Variants in SNTG1 observed in about 807,000 individuals in gnomAD.
SNTG1 encodes the protein syntrophin gamma 1, also known as gamma-1-syntrophin.
In SNTG1, 39 loss-of-function variants were observed where a neutral mutation model predicts 74.7. That is an observed-to-expected ratio of 0.52 (90% CI 0.40 to 0.68). The LOEUF (loss-of-function observed/expected upper bound fraction) is 0.68, where lower values mean the gene tolerates loss of function less well. Among genes scored for constraint, SNTG1 ranks in the 30% least tolerant of loss-of-function variants. The pLI is 0.00. For missense variants in SNTG1, 685 were observed against 609.5 expected (o/e 1.12, Z -1.30); for synonymous variants, 254 against 217.1 (o/e 1.17, Z -1.49).
chr8:50,645,768 T>C (rs1214773993), intron 13 of SNTG1, among the ~76,000 whole-genome samples: 1 of 152,204 alleles, frequency 6.6e-6, no homozygotes, highest in Non-Finnish European at 1.5e-5. Flanking sequence ...TCCTGTGTTA[T>C]ATTTTGCCTC....
intron 1 of SNTG1, among the ~76,000 whole-genome samples, chr8:50,118,485 A>G (rs2080898043): frequency 6.6e-6 from 1 of 152,202 alleles, no homozygotes. Flanking sequence ...GGTAGATAAT[A>G]TCATCAGCTC....
At chr8:50,715,848 A>G (rs887331622) in intron 17 of SNTG1, among the ~76,000 whole-genome samples, 8 of 152,216 alleles carry the variant, frequency 5.3e-5, no homozygotes, top group Non-Finnish European at 1.0e-4. Flanking sequence ...CAAAATAATT[A>G]TGATTTACAA....
chr8:50,477,399 T>C (rs925755498), intron 8 of SNTG1, among the ~76,000 whole-genome samples: 1 of 151,898 alleles, frequency 6.6e-6, no homozygotes, highest in African/African-American at 2.4e-5. Context: ...ATATACCTAG[T>C]CTAATTATGA....
intron 8 of SNTG1, among the ~76,000 whole-genome samples, chr8:50,492,645 T>TCAGATG (rs2093867761): frequency 6.6e-6 from 1 of 152,202 alleles, no homozygotes; most frequent in Non-Finnish European, 1.5e-5. Flanking sequence ...TAGTCCTTTG[T>TCAGATG]CAGATGGATT....
intron 15 of SNTG1, among the ~76,000 whole-genome samples, chr8:50,682,519 T>G (rs2095335296): frequency 6.6e-6 from 1 of 152,082 alleles, no homozygotes; most frequent in African/African-American, 2.4e-5. Context: ...AGTTAAACTT[T>G]AAAATAGAGA....
intron 16 of SNTG1, among the ~76,000 whole-genome samples, chr8:50,705,489 G>A (rs1180480473): frequency 6.6e-6 from 1 of 152,000 alleles, no homozygotes; most frequent in Non-Finnish European, 1.5e-5. Context: ...TTAAAATAGT[G>A]TAGTTTAGTG....
At position 50,794,175 on chromosome 8, in the gene SNTG1, T is replaced by C. The variant is rs1015344931; in HGVS notation, c.*1346T>C. ...ATGCTCCCAGGTAAACCAAGTATTATGTGTGTCCTTGTGGAGATAACCAAG... is the reference window on the plus strand; with the variant it reads ...ATGCTCCCAGGTAAACCAAGTATTACGTGTGTCCTTGTGGAGATAACCAAG... On this transcript the variant is annotated 3_prime_UTR_variant, in exon 19 of 19. Transcript: ENST00000642720. The C allele has an allele frequency of 2.6e-5, 4 of 151,824 alleles. No homozygotes were observed. The highest frequency in any genetic ancestry group is 6.6e-5 in the Admixed American group (1 of 15,200). 9.4% of individuals were successfully genotyped at this position (151,824 alleles called of 1,614,324 possible).
At chr8:50,484,446 C>T (rs957059269) in intron 8 of SNTG1, among the ~76,000 whole-genome samples, 16 of 151,624 alleles carry the variant, frequency 1.1e-4, no homozygotes, top group African/African-American at 3.4e-4. Context: ...AACTCATGAC[C>T]TCAGATGATC....
At chr8:49,964,419 C>T (rs900886226) in intron 1 of SNTG1, among the ~76,000 whole-genome samples, 4 of 152,180 alleles carry the variant, frequency 2.6e-5, no homozygotes, top group Admixed American at 2.6e-4. Flanking sequence ...CAAATCAATC[C>T]CAATGTTTCT....
intron 4 of SNTG1, among the ~76,000 whole-genome samples, chr8:50,409,061 G>A (rs1285908982): frequency 1.3e-5 from 2 of 152,098 alleles, no homozygotes; most frequent in Non-Finnish European, 2.9e-5. Flanking sequence ...TATCAAATGG[G>A]GCTTAAACCT....
rs143649802 is a variant in SNTG1 at position 50,128,196 on chromosome 8, G to T, written c.-102-44365G>T. On this transcript the variant is annotated intron_variant, in intron 1 of 18. Transcript: ENST00000642720. ...AAACTACTTGCTTATCCCAAGATCGGTACTTATGTTTTAATTCTATCTCCC... is the reference window on the plus strand; with the variant it reads ...AAACTACTTGCTTATCCCAAGATCGTTACTTATGTTTTAATTCTATCTCCC... Among the ~76,000 whole-genome samples the T allele has an allele frequency of 3.5e-4, 53 of 152,198 alleles. 1 individual carries two copies. In the East Asian group the frequency reaches 6.4e-3, roughly 18 times the overall value.
Position 50,274,908 on chromosome 8 carries a change from G to A in SNTG1, c.-28+102273G>A, listed in dbSNP as rs202007778. On this transcript the variant is annotated intron_variant, in intron 2 of 18. Coordinates refer to ENST00000642720, the MANE Select transcript of SNTG1 (RefSeq NM_018967.5). The stretch of plus-strand genomic sequence containing the variant: ...CAAATATGTGGGATAAATTCCACTC[G>A]GTAGTACTATGTAATTCTTTTGATT... Among the ~76,000 whole-genome samples, 10 of 152,186 alleles carry A rather than the reference G, an allele frequency of 6.6e-5. No homozygotes were observed. In the East Asian group the frequency reaches 1.4e-3, roughly 21 times the overall value.
intron 1 of SNTG1, among the ~76,000 whole-genome samples, chr8:50,114,325 G>A (rs1363509101): frequency 6.6e-6 from 1 of 152,092 alleles, no homozygotes; most frequent in Non-Finnish European, 1.5e-5. Context: ...TGCTAATAGT[G>A]ACAAACATGC....
upstream of SNTG1, chr8:49,911,324 T>A (rs1420550462): frequency 2.0e-5 from 3 of 151,956 alleles, no homozygotes; most frequent in Non-Finnish European, 4.4e-5. Flanking sequence ...CAAATCTATA[T>A]ATTTTTTCTC....
chr8:50,775,035 T>C (rs1164647515), intron 18 of SNTG1, among the ~76,000 whole-genome samples: 1 of 150,942 alleles, frequency 6.6e-6, no homozygotes, highest in Non-Finnish European at 1.5e-5. Context: ...TATATAGTGT[T>C]ATAACCCCCA....
At chr8:50,605,416 T>C (rs931618887) in intron 13 of SNTG1, among the ~76,000 whole-genome samples, 3 of 152,182 alleles carry the variant, frequency 2.0e-5, no homozygotes, top group Non-Finnish European at 2.9e-5. Flanking sequence ...AAAACTCAAG[T>C]TCTGATATCT....
intron 5 of SNTG1, among the ~76,000 whole-genome samples, chr8:50,440,035 T>C (rs1289913761): frequency 1.3e-5 from 2 of 151,672 alleles, no homozygotes. Flanking sequence ...CAATAATTTT[T>C]CTAAATAAAG....
chr8:50,107,836 C>G (rs2080438817), intron 1 of SNTG1, among the ~76,000 whole-genome samples: 1 of 152,138 alleles, frequency 6.6e-6, no homozygotes, highest in Non-Finnish European at 1.5e-5. Flanking sequence ...CAGGCATGAA[C>G]CACCATGCCT....
At chr8:50,376,756 T>TACATATATAGAGAGAGAG (rs1381048539) in intron 2 of SNTG1, among the ~76,000 whole-genome samples, 1 of 89,988 alleles carries the variant, frequency 1.1e-5, no homozygotes, top group African/African-American at 4.1e-5. Context: ...TATATATATA[T>TACATATATAGAGAGAGAG]AGAGAGAGAG....
Sources: gnomAD v4.1 joint callset for allele counts (sites outside exome capture counted in the v4.1 genomes callset) on GRCh38, gnomAD v4.1.1 for gene constraint, MANE v1.5 for transcripts, NCBI Gene and HGNC (gene_info 2026-07-23, HGNC 2026-07-21) for gene names.